EPHB1: variants seen among roughly 807,000 people sequenced by gnomAD.
EPHB1 encodes the protein EPH receptor B1, also known as ephrin type-B receptor 1.
EPHB1 carries 30 observed loss-of-function variants against 94.4 expected under a neutral mutation model. That is an observed-to-expected ratio of 0.32 (90% CI 0.24 to 0.43). EPHB1 has a LOEUF of 0.43. EPHB1 is among the 20% of genes least tolerant of loss of function. EPHB1 has a pLI of 1.00. For synonymous variants in EPHB1, 522 were observed against 489.1 expected (o/e 1.07, Z -0.89); for missense variants, 1,055 against 1,308.3 (o/e 0.81, Z 2.99).
intron 1 of EPHB1, among the ~76,000 whole-genome samples, chr3:134,827,769 AG>A (rs1414808003): frequency 1.3e-5 from 2 of 152,088 alleles, no homozygotes; most frequent in Non-Finnish European, 1.5e-5. Flanking sequence ...GAGAATGGGG[AG>A]GGGTGAAATT....
At chr3:135,148,455 T>A (rs2107692968) in intron 5 of EPHB1, among the ~76,000 whole-genome samples, 1 of 152,158 alleles carries the variant, frequency 6.6e-6, no homozygotes, top group African/African-American at 2.4e-5. Context: ...CCAGCCTGAG[T>A]CTCCTGGGAC....
chr3:135,233,542 T>G (rs1379776250), intron 12 of EPHB1, among the ~76,000 whole-genome samples: 2 of 152,164 alleles, frequency 1.3e-5, no homozygotes, highest in African/African-American at 4.8e-5. Context: ...AGGTGTACAG[T>G]GCAAGCTGTT....
intron 1 of EPHB1, among the ~76,000 whole-genome samples, chr3:134,901,248 A>T (rs1459864139): frequency 6.6e-6 from 1 of 152,174 alleles, no homozygotes; most frequent in Non-Finnish European, 1.5e-5. Flanking sequence ...GTGTCTCATA[A>T]AAGTTTTACA....
At chr3:134,891,552 A>G (rs954559266) in intron 1 of EPHB1, among the ~76,000 whole-genome samples, 17 of 152,248 alleles carry the variant, frequency 1.1e-4, no homozygotes, top group South Asian at 4.1e-4. Context: ...TGGGTGTTAA[A>G]TACTATTAGT....
chr3:134,810,197 T>A (rs2036142039), intron 1 of EPHB1, among the ~76,000 whole-genome samples: 1 of 152,230 alleles, frequency 6.6e-6, no homozygotes, highest in Non-Finnish European at 1.5e-5. Context: ...TGCAAATATG[T>A]ATATCACCTG....
At chr3:134,850,661 C>T (rs893849457) in intron 1 of EPHB1, among the ~76,000 whole-genome samples, 4 of 152,188 alleles carry the variant, frequency 2.6e-5, no homozygotes, top group East Asian at 1.9e-4. Flanking sequence ...AGTCTTGGTG[C>T]GGGCAGTTCA....
intron 6 of EPHB1, among the ~76,000 whole-genome samples, chr3:135,155,269 G>C (rs1048154223): frequency 2.6e-5 from 4 of 152,186 alleles, no homozygotes; most frequent in African/African-American, 9.7e-5. Context: ...TAATTAAGTA[G>C]AGGGGTAGAG....
In EPHB1 at chr3:134,951,656, G is replaced by A. The variant is rs769729442; in HGVS notation, c.409G>A (p.Val137Ile). The change falls in exon 3 of 16, where the codon GTA becomes ATA. Residue 137 changes from valine (V) to isoleucine (I), a missense_variant. Coordinates refer to ENST00000398015, the MANE Select transcript of EPHB1 (RefSeq NM_004441.5). This position sits in a 1 kb window ranked among gnomAD's most constrained non-coding sequence, Gnocchi z 4.5. ...AFWSEAPYLK[V>I]DTIAADESFS... ...CTGGTCTGAGGCCCCCTACCTCAAA[G>A]TAGACACCATTGCTGCAGATGAGAG... 6.2e-7 allele frequency: 1 copy of A among 1,614,076 alleles called. No individual in the cohort carries two copies. The highest frequency in any genetic ancestry group is 2.2e-5 in the East Asian group (1 of 44,878).
intron 5 of EPHB1, among the ~76,000 whole-genome samples, chr3:135,145,600 G>A (rs1448113443): frequency 6.6e-6 from 1 of 152,184 alleles, no homozygotes; most frequent in East Asian, 1.9e-4. Flanking sequence ...TTTGGAGAAA[G>A]GATTTCATAG....
chr3:134,817,254 G>A (rs891458121), intron 1 of EPHB1, among the ~76,000 whole-genome samples: 2 of 152,210 alleles, frequency 1.3e-5, no homozygotes, highest in Admixed American at 6.5e-5. Context: ...GAATTGGGGG[G>A]CACTGGACAG....
At chr3:134,814,035 A>C (rs2036222840) in intron 1 of EPHB1, among the ~76,000 whole-genome samples, 1 of 152,184 alleles carries the variant, frequency 6.6e-6, no homozygotes, top group African/African-American at 2.4e-5. Context: ...CCTGGCACAG[A>C]GTAGGCACTT....
At position 134,955,071 on chromosome 3, in the gene EPHB1, C is replaced by CTTTTTTTTTTTTTTTTTTTTTTTTTTTT. The variant is rs1197013147; in HGVS notation, c.805+3024_805+3051dup. On this transcript the variant is annotated intron_variant, in intron 3 of 15. Transcript: ENST00000398015. ...CTAAGGCCTGTTCCTGACATCCTTT[C>CTTTTTTTTTTTTTTTTTTTTTTTTTTTT]TTTTTTTTTTTTTTTTTTTTTTTTT... 4.8e-4 allele frequency among the ~76,000 whole-genome samples: 4 copies of CTTTTTTTTTTTTTTTTTTTTTTTTTTTT among 8,416 alleles called. 1 individual carries two copies. Among genetic ancestry groups the CTTTTTTTTTTTTTTTTTTTTTTTTTTTT allele is most frequent in the Non-Finnish European group, 6.3e-4 (3 of 4,798 alleles). 5.5% of individuals were successfully genotyped at this position (8,416 alleles called of 152,430 possible).
At chr3:134,897,853 A>G (rs2038116420) in intron 1 of EPHB1, among the ~76,000 whole-genome samples, 1 of 152,196 alleles carries the variant, frequency 6.6e-6, no homozygotes, top group African/African-American at 2.4e-5. Context: ...CTGCTCTGAC[A>G]GCTGGGGCTG....
chr3:134,867,474 T>A (rs1331041944), intron 1 of EPHB1, among the ~76,000 whole-genome samples: 1 of 151,874 alleles, frequency 6.6e-6, no homozygotes, highest in African/African-American at 2.4e-5. Flanking sequence ...AGGGGCCAAG[T>A]AGGAGGCTGC....
intron 4 of EPHB1, among the ~76,000 whole-genome samples, chr3:135,110,115 G>T (rs960487786): frequency 5.9e-5 from 9 of 152,194 alleles, no homozygotes; most frequent in African/African-American, 2.2e-4. Flanking sequence ...TTATAAAATT[G>T]CTGCCTGTGA....
chr3:134,810,926 G>A (rs1468784024), intron 1 of EPHB1, among the ~76,000 whole-genome samples: 1 of 152,140 alleles, frequency 6.6e-6, no homozygotes, highest in Non-Finnish European at 1.5e-5. Context: ...AGTATTTGCT[G>A]AGTTGAGTTG....
intron 2 of EPHB1, 133 bp downstream of exon 2, chr3:134,926,013 C>T (rs949619360): frequency 4.2e-6 from 3 of 716,864 alleles, no homozygotes; most frequent in African/African-American, 3.7e-5. Context: ...GTGTCCACTG[C>T]CCATCCATGC....
intron 5 of EPHB1, among the ~76,000 whole-genome samples, chr3:135,149,834 C>T (rs1400198732): frequency 2.0e-5 from 3 of 152,190 alleles, no homozygotes; most frequent in Admixed American, 2.0e-4. Context: ...TGGCCATCAC[C>T]CTCTGGCAGC....
intron 3 of EPHB1, among the ~76,000 whole-genome samples, chr3:135,066,523 G>T (rs1244556453): frequency 6.6e-6 from 1 of 152,178 alleles, no homozygotes; most frequent in African/African-American, 2.4e-5. Flanking sequence ...ATTTCTATAA[G>T]TGTGTCCAAT....
Sources: allele counts gnomAD v4.1 joint callset (sites outside exome capture counted in the v4.1 genomes callset), GRCh38; gene constraint gnomAD v4.1.1; non-coding constraint Gnocchi (gnomAD v3.1); transcripts MANE v1.5; gene names NCBI Gene and HGNC (gene_info 2026-07-23, HGNC 2026-07-21).